The following DNAH9 variants were observed in gnomAD, a reference collection of about 807,000 sequenced individuals.
The protein encoded by DNAH9 is dynein axonemal heavy chain 9.
In DNAH9, 345 loss-of-function variants were observed where a neutral mutation model predicts 471.6. The ratio of observed to expected loss-of-function variants is 0.73; its 90% CI spans 0.67 to 0.80. The LOEUF is 0.80. DNAH9 is among the 30% of genes least tolerant of loss of function. The pLI is 0.00. For missense variants in DNAH9, 5,407 were observed against 5,609.2 expected, an observed-to-expected ratio of 0.96 and a Z score of 1.15; for synonymous variants, 2,093 against 2,123.6, an observed-to-expected ratio of 0.99 and a Z score of 0.40.
intron 6 of DNAH9, among the ~76,000 whole-genome samples, chr17:11,622,443 C>T (rs534868491): frequency 3.3e-5 from 5 of 152,102 alleles, no homozygotes; most frequent in Non-Finnish European, 7.4e-5. Flanking sequence ...CTCTCATATC[C>T]ACCACCAATT....
Position 11,651,121 on chromosome 17 carries a change from A to ACATCTCTCTGTGTTT in DNAH9, c.2153_2154insCTCTCTGTGTTTCAT (p.His717_Met718insIleSerLeuCysPhe), listed in dbSNP as rs1338188682. 1.9e-6 allele frequency: 3 copies of ACATCTCTCTGTGTTT among 1,614,134 alleles called. No homozygotes were observed. Among genetic ancestry groups the ACATCTCTCTGTGTTT allele is most frequent in the Non-Finnish European group, 2.5e-6 (3 of 1,180,002 alleles). On this transcript the variant is annotated inframe_insertion, in exon 13 of 69. Transcript: ENST00000262442. ...TATCTTGAACCCAGAGAGATGAAAC[A>ACATCTCTCTGTGTTT]CATGCCTGAGACAGCAGCAGCCATG...
intron 28 of DNAH9, among the ~76,000 whole-genome samples, chr17:11,729,098 G>T (rs527320933): frequency 2.6e-5 from 4 of 152,290 alleles, no homozygotes; most frequent in African/African-American, 7.2e-5. Flanking sequence ...CTGGGAGGGA[G>T]ATTGCCCCTC....
chr17:11,694,551 T>C (rs2074394649), intron 22 of DNAH9, 104 bp downstream of exon 22: 4 of 1,280,468 alleles, frequency 3.1e-6, no homozygotes, highest in Non-Finnish European at 4.4e-6. Flanking sequence ...TGGCAGGTTC[T>C]GTACTTCAGA....
intron 26 of DNAH9, among the ~76,000 whole-genome samples, chr17:11,716,525 C>T (rs527393862): frequency 6.6e-6 from 1 of 152,292 alleles, no homozygotes; most frequent in East Asian, 1.9e-4. Flanking sequence ...TCCCTTCCAT[C>T]TCTGGAGTTC....
rs138605044 is a variant in DNAH9, at chr17:11,676,976, CTTAA to C, written c.3354-2778_3354-2775del. Among the ~76,000 whole-genome samples, 1,388 of 152,004 alleles carry C rather than the reference CTTAA, an allele frequency of 9.1e-3. 18 individuals carry two copies. Among genetic ancestry groups the C allele is most frequent in the African/African-American group, 0.03 (1,259 of 41,486 alleles). On this transcript the variant is annotated intron_variant, in intron 17 of 68. Transcript: ENST00000262442. ...GTTATAGTTTTTTATTAATTTCCAA[CTTAA>C]TTGTGCTGTGGTTTAGAAATGATAT...
chr17:11,674,015 T>A (rs1456522587), intron 17 of DNAH9, among the ~76,000 whole-genome samples: 1 of 152,180 alleles, frequency 6.6e-6, no homozygotes, highest in East Asian at 1.9e-4. Flanking sequence ...AGCATTATGT[T>A]TGAGATTTAT....
At chr17:11,905,461 G>T (rs1973562894) in intron 60 of DNAH9, among the ~76,000 whole-genome samples, 200 bp from the exon 61 acceptor site, 1 of 152,284 alleles carries the variant, frequency 6.6e-6, no homozygotes, top group Middle Eastern at 3.4e-3. Context: ...CCAGATCCAG[G>T]TGAGCAGCTC....
chr17:11,872,253 G>A (rs185488073), intron 52 of DNAH9, among the ~76,000 whole-genome samples: 4 of 152,110 alleles, frequency 2.6e-5, no homozygotes, highest in Admixed American at 1.3e-4. Context: ...GTCGGCTTCC[G>A]TCCTGCATAA....
At chr17:11,823,332 C>T (rs139974332) in intron 48 of DNAH9, among the ~76,000 whole-genome samples, 18 of 152,226 alleles carry the variant, frequency 1.2e-4, no homozygotes, top group African/African-American at 2.9e-4. Context: ...GCATATGCCC[C>T]GCTCAGGTCT....
intron 7 of DNAH9, 41 bp downstream of exon 7, chr17:11,629,625 C>T (rs202229711): frequency 3.0e-4 from 482 of 1,584,460 alleles, no homozygotes; most frequent in Middle Eastern, 4.2e-4. Flanking sequence ...CTGCCTCTGT[C>T]CCGGATGCCT....
intron 14 of DNAH9, among the ~76,000 whole-genome samples, chr17:11,657,765 T>C (rs1442430498): frequency 6.6e-6 from 1 of 152,052 alleles, no homozygotes; most frequent in Non-Finnish European, 1.5e-5. Flanking sequence ...TAGTAACATC[T>C]GATTGTTCCC....
chr17:11,839,614 G>A (rs1248370520), intron 49 of DNAH9, among the ~76,000 whole-genome samples: 3 of 152,022 alleles, frequency 2.0e-5, no homozygotes, highest in Non-Finnish European at 4.4e-5. Context: ...CTCTCCTAGT[G>A]ATGGCTCCTA....
chr17:11,858,191 G>C (rs2150973939), intron 50 of DNAH9, among the ~76,000 whole-genome samples: 1 of 152,242 alleles, frequency 6.6e-6, no homozygotes, highest in Admixed American at 6.5e-5. Context: ...GAACAAAGGA[G>C]GCATTTTCCG....
chr17:11,745,028 G>A lies in DNAH9; in HGVS notation c.6343G>A (p.Val2115Ile). 1 of 1,614,174 alleles carries A rather than the reference G, an allele frequency of 6.2e-7. No homozygotes were observed. The highest frequency in any genetic ancestry group is 8.5e-7 in the Non-Finnish European group (1 of 1,180,020). ...RRRDPNFEAL[V>I]RKAIVDLKLQ... ...GAGAGACCCCAACTTCGAAGCTTTG[G>A]TTAGGAAGGCGATAGTGGATCTGAA... Residue 2115 changes from valine (V) to isoleucine (I), a missense_variant, in exon 31 of 69, where the codon GTT (valine) becomes ATT (isoleucine). Coordinates refer to ENST00000262442, the MANE Select transcript of DNAH9 (RefSeq NM_001372.4).
chr17:11,607,985 A>G, intron 1 of DNAH9, 144 bp from the exon 2 acceptor site: 1 of 577,858 alleles, frequency 1.7e-6, no homozygotes, highest in Non-Finnish European at 3.0e-6. Context: ...GTCGTATGTA[A>G]TGTTCGACCC....
At chr17:11,934,435 ATTTTTTTTTTTTTTT>A (rs547023975) in intron 65 of DNAH9, among the ~76,000 whole-genome samples, 5 of 86,042 alleles carry the variant, frequency 5.8e-5, no homozygotes, top group Admixed American at 1.3e-4. Context: ...TGACAAACCC[ATTTTTTTTTTTTTTT>A]TTTTTTTTTT....
intron 38 of DNAH9, among the ~76,000 whole-genome samples, chr17:11,776,659 T>C (rs1209292392): frequency 6.6e-6 from 1 of 152,368 alleles, no homozygotes; most frequent in East Asian, 1.9e-4. Flanking sequence ...CCTTCTACTT[T>C]GATAAGACTT....
chr17:11,760,506 T>C (rs187685299), intron 35 of DNAH9, among the ~76,000 whole-genome samples: 49 of 152,116 alleles, frequency 3.2e-4, no homozygotes, highest in Admixed American at 2.7e-3. Context: ...ATGTCTTTTG[T>C]TGTTAGTTTT....
chr17:11,761,442 C>T (rs1967662117), intron 35 of DNAH9, among the ~76,000 whole-genome samples: 1 of 152,182 alleles, frequency 6.6e-6, no homozygotes, highest in Non-Finnish European at 1.5e-5. Context: ...TCCTTGGCTC[C>T]TCCCCATCAC....
Sources: allele counts gnomAD v4.1 joint callset (sites outside exome capture counted in the v4.1 genomes callset), GRCh38; gene constraint gnomAD v4.1.1; transcripts MANE v1.5; gene names NCBI Gene and HGNC (gene_info 2026-07-23, HGNC 2026-07-21).